Variants in ENPP6 observed in about 807,000 individuals in gnomAD.
ENPP6 encodes the protein glycerophosphocholine cholinephosphodiesterase ENPP6.
A neutral mutation model predicts 42.0 loss-of-function variants in ENPP6; 32 were observed. The ratio of observed to expected loss-of-function variants is 0.76; its 90% CI spans 0.58 to 1.02. The LOEUF (loss-of-function observed/expected upper bound fraction) is 1.02, where lower values mean the gene tolerates loss of function less well. Among genes scored for constraint, ENPP6 ranks in the 50% least tolerant of loss-of-function variants. The pLI is 0.00. For missense variants in ENPP6, 552 were observed against 566.8 expected, an observed-to-expected ratio of 0.97 and a Z score of 0.27; for synonymous variants, 213 against 216.0, an observed-to-expected ratio of 0.99 and a Z score of 0.12.
intron 1 of ENPP6, among the ~76,000 whole-genome samples, chr4:184,175,001 C>T (rs1298314394): frequency 6.6e-6 from 1 of 152,224 alleles, no homozygotes; most frequent in Non-Finnish European, 1.5e-5. Context: ...CACACAAAAG[C>T]ATCAGTGAGA....
At chr4:184,126,571 T>G (rs770384999) in intron 2 of ENPP6, among the ~76,000 whole-genome samples, 3 of 152,046 alleles carry the variant, frequency 2.0e-5, no homozygotes, top group Non-Finnish European at 4.4e-5. Context: ...AAAGCAACAG[T>G]TTTATCAAAG....
At chr4:184,167,163 T>G (rs1416969549) in intron 1 of ENPP6, among the ~76,000 whole-genome samples, 1 of 152,242 alleles carries the variant, frequency 6.6e-6, no homozygotes, top group Non-Finnish European at 1.5e-5. Context: ...GTGCCCAGGC[T>G]GGAGTGCAGT....
chr4:184,117,834 C>A lies in ENPP6; in HGVS notation c.600G>T (p.Gly200=). ...ERIDVEGHHY[G]PASPQRKDAL... is the part of the protein sequence containing the mutation. ...CATCTTTCCTCTGCGGAGATGCAGG[C>A]CCGTAGTGGTGGCCTTCCACGTCAA... The change falls in exon 4 of 8, where the codon GGG becomes GGT. Residue 200 remains glycine, a synonymous_variant. Coordinates refer to ENST00000296741, the MANE Select transcript of ENPP6 (RefSeq NM_153343.4). 1 of 1,614,254 alleles carries A rather than the reference C, an allele frequency of 6.2e-7. No individual in the cohort carries two copies. The highest frequency in any genetic ancestry group is 8.5e-7 in the Non-Finnish European group (1 of 1,180,044).
chr4:184,151,407 C>G (rs928452021), intron 2 of ENPP6, among the ~76,000 whole-genome samples: 1 of 152,200 alleles, frequency 6.6e-6, no homozygotes, highest in African/African-American at 2.4e-5. Flanking sequence ...TGCAATACGG[C>G]GACTGCCCCT....
At chr4:184,122,419 C>CCACCACCAT (rs1736432904) in intron 3 of ENPP6, among the ~76,000 whole-genome samples, 1 of 149,862 alleles carries the variant, frequency 6.7e-6, no homozygotes. Flanking sequence ...ACCACCACCA[C>CCACCACCAT]CACCACCACC....
At chr4:184,194,622 C>T (rs1158163181) in intron 1 of ENPP6, among the ~76,000 whole-genome samples, 4 of 152,156 alleles carry the variant, frequency 2.6e-5, no homozygotes, top group African/African-American at 9.7e-5. Flanking sequence ...GTCCCACCCG[C>T]GAGGGTGGCC....
chr4:184,212,073 T>C (rs1733122124), intron 1 of ENPP6, among the ~76,000 whole-genome samples: 1 of 151,778 alleles, frequency 6.6e-6, no homozygotes, highest in African/African-American at 2.4e-5. Context: ...AAATTAGGTA[T>C]TGATGGGACT....
chr4:184,115,527 G>A (rs1050334950), intron 5 of ENPP6, among the ~76,000 whole-genome samples: 2 of 152,138 alleles, frequency 1.3e-5, no homozygotes, highest in African/African-American at 4.8e-5. Flanking sequence ...CCCCCATCTT[G>A]GCACTGTGGG....
intron 1 of ENPP6, among the ~76,000 whole-genome samples, chr4:184,192,933 A>T (rs574542205): frequency 6.6e-6 from 1 of 152,368 alleles, no homozygotes; most frequent in South Asian, 2.1e-4. Flanking sequence ...TTTGATAAAA[A>T]AGACAATAAT....
At chr4:184,166,472 C>T (rs574818301) in intron 1 of ENPP6, among the ~76,000 whole-genome samples, 1 of 152,230 alleles carries the variant, frequency 6.6e-6, no homozygotes, top group Non-Finnish European at 1.5e-5. Context: ...GAAAAGGAAA[C>T]AAAAATAATT....
chr4:184,108,283 G>A lies in ENPP6; in HGVS notation c.993+4389C>T, dbSNP rs542974271. 7.2e-4 allele frequency among the ~76,000 whole-genome samples: 110 copies of A among 152,304 alleles called. 1 individual carries two copies. The highest frequency in any genetic ancestry group is 2.3e-3 in the South Asian group (11 of 4,820). On this transcript the variant is annotated intron_variant, in intron 6 of 7. Coordinates refer to ENST00000296741, the MANE Select transcript of ENPP6 (RefSeq NM_153343.4). ...GACCCAGAGAGGCTGCTTTCGGGCC[G>A]AGAGTCTTGCCATGCCACAGATGTG...
chr4:184,212,386 CA>C (rs1446857793), intron 1 of ENPP6, among the ~76,000 whole-genome samples: 3 of 149,560 alleles, frequency 2.0e-5, no homozygotes, highest in African/African-American at 5.0e-5. Flanking sequence ...GCAACTTCAG[CA>C]AAGTCTCAGG....
At chr4:184,137,885 T>C (rs1736756493) in intron 2 of ENPP6, among the ~76,000 whole-genome samples, 1 of 152,208 alleles carries the variant, frequency 6.6e-6, no homozygotes, top group Non-Finnish European at 1.5e-5. Context: ...GTACCATTGC[T>C]GGATGCACCT....
At chr4:184,205,512 G>A (rs545201811) in intron 1 of ENPP6, among the ~76,000 whole-genome samples, 14 of 152,354 alleles carry the variant, frequency 9.2e-5, no homozygotes, top group Non-Finnish European at 1.6e-4. Context: ...GCGAGGCCCC[G>A]AAGGGGCTGG....
At chr4:184,208,963 C>A (rs1364212510) in intron 1 of ENPP6, among the ~76,000 whole-genome samples, 10 of 143,186 alleles carry the variant, frequency 7.0e-5, no homozygotes, top group South Asian at 4.5e-4. Flanking sequence ...GAGGCACCCC[C>A]CAGCAGGAGC....
chr4:184,128,130 T>TA (rs1222245240), intron 2 of ENPP6, among the ~76,000 whole-genome samples: 1 of 152,192 alleles, frequency 6.6e-6, no homozygotes, highest in Non-Finnish European at 1.5e-5. Flanking sequence ...ACTGAATGAA[T>TA]AAAAAAGGAG....
chr4:184,099,382 C>T (rs1356062285), intron 6 of ENPP6, among the ~76,000 whole-genome samples: 2 of 152,232 alleles, frequency 1.3e-5, no homozygotes, highest in African/African-American at 4.8e-5. Context: ...TTGGCTGTTT[C>T]ACTTCTCTGA....
chr4:184,188,206 T>G (rs913382701), intron 1 of ENPP6, among the ~76,000 whole-genome samples: 1 of 152,196 alleles, frequency 6.6e-6, no homozygotes, highest in Admixed American at 6.5e-5. Context: ...TCCTTATGTT[T>G]ATGTTTCAAT....
At chr4:184,216,137 C>CTG (rs1188300806) in intron 1 of ENPP6, among the ~76,000 whole-genome samples, 1 of 152,188 alleles carries the variant, frequency 6.6e-6, no homozygotes, top group Non-Finnish European at 1.5e-5. Flanking sequence ...TGGGGGTGGG[C>CTG]TGTGTGTGTG....
Sources: allele counts gnomAD v4.1 joint callset (sites outside exome capture counted in the v4.1 genomes callset), GRCh38; gene constraint gnomAD v4.1.1; transcripts MANE v1.5; gene names NCBI Gene and HGNC (gene_info 2026-07-23, HGNC 2026-07-21).